Variants in SLC25A53 observed in about 807,000 individuals in gnomAD.
SLC25A53 encodes the protein solute carrier family 25 member 53.
In SLC25A53, 5 loss-of-function variants were observed where a neutral mutation model predicts 15.0. The ratio of observed to expected loss-of-function variants is 0.33; its 90% confidence interval spans 0.17 to 0.70. SLC25A53 has a LOEUF of 0.70. SLC25A53 is among the 30% of genes least tolerant of loss of function. The pLI, the probability that SLC25A53 is intolerant of heterozygous loss-of-function variation, is 0.67. For synonymous variants in SLC25A53, 95 were observed against 100.0 expected (o/e 0.95, Z 0.30); for missense variants, 216 against 241.6 (o/e 0.89, Z 0.70).
At chrX:104,151,938 T>C (rs2075485807) in intron 1 of SLC25A53, among the ~76,000 whole-genome samples, 1 of 112,095 alleles carries the variant, frequency 8.9e-6, no homozygotes, top group Admixed American at 9.4e-5. Flanking sequence ...GCAGGGTAAG[T>C]GCACAAGCAT....
intron 1 of SLC25A53, among the ~76,000 whole-genome samples, chrX:104,150,832 A>G (rs782378697): frequency 2.0e-4 from 22 of 111,385 alleles, no homozygotes; most frequent in Non-Finnish European, 3.0e-4. Context: ...CACAGCGCCC[A>G]TGGTGTGCGC....
chrX:104,148,149 T>C (rs2075474080), intron 1 of SLC25A53, among the ~76,000 whole-genome samples: 2 of 108,649 alleles, frequency 1.8e-5, no homozygotes, highest in African/African-American at 6.7e-5. Context: ...ATGTCCTTTG[T>C]AGGGACATGG....
chrX:104,115,278 A>G, intron 1 of SLC25A53: 1 of 1,186,661 alleles, frequency 8.4e-7, no homozygotes. Flanking sequence ...AGGAGAGGTC[A>G]AAAGAGGTCC....
At chrX:104,151,168 C>T (rs2075483748) in intron 1 of SLC25A53, among the ~76,000 whole-genome samples, 1 of 111,309 alleles carries the variant, frequency 9.0e-6, no homozygotes, top group Non-Finnish European at 1.9e-5. Context: ...TCCTTATCAC[C>T]TTATCAAGTG....
intron 1 of SLC25A53, among the ~76,000 whole-genome samples, chrX:104,132,456 G>T (rs1556365679): frequency 8.9e-6 from 1 of 111,939 alleles, no homozygotes; most frequent in Admixed American, 9.5e-5. Flanking sequence ...TCATCATCTG[G>T]ATCTCACATC....
At chrX:104,147,172 T>C (rs1408669872) in intron 1 of SLC25A53, among the ~76,000 whole-genome samples, 1 of 111,620 alleles carries the variant, frequency 9.0e-6, no homozygotes, top group Non-Finnish European at 1.9e-5. Flanking sequence ...ATCTGATCTC[T>C]GGCAAACCTG....
intron 1 of SLC25A53, among the ~76,000 whole-genome samples, chrX:104,156,496 C>G (rs782502700): frequency 1.2e-3 from 134 of 111,152 alleles, no homozygotes; most frequent in South Asian, 4.2e-3. Flanking sequence ...AATCTGAAAC[C>G]AGGGACCTAG....
chrX:104,109,935 G>T (rs1375738860), intron 1 of SLC25A53, among the ~76,000 whole-genome samples: 1 of 106,330 alleles, frequency 9.4e-6, no homozygotes, highest in Non-Finnish European at 1.9e-5. Context: ...AGAAAATGTG[G>T]TCTCATTAGA....
At chrX:104,107,049 C>T (rs1292125509) in intron 1 of SLC25A53, among the ~76,000 whole-genome samples, 2 of 107,321 alleles carry the variant, frequency 1.9e-5, no homozygotes, top group Non-Finnish European at 3.9e-5. Flanking sequence ...TCTATCCCCC[C>T]TGCTCCATCC....
chrX:104,117,466 C>T (rs906799599), intron 1 of SLC25A53, among the ~76,000 whole-genome samples: 2 of 110,965 alleles, frequency 1.8e-5, no homozygotes, highest in Admixed American at 1.9e-4. Flanking sequence ...ACTGGGAGGG[C>T]CCCTCTGCCT....
At chrX:104,156,849 G>A (rs1259088675) in intron 1 of SLC25A53, 29 bp downstream of exon 1, 1 of 111,574 alleles carries the variant, frequency 9.0e-6, no homozygotes, top group Non-Finnish European at 1.9e-5. Flanking sequence ...ATGTGTCTAC[G>A]CCCTCAGCCC....
intron 1 of SLC25A53, among the ~76,000 whole-genome samples, chrX:104,133,330 T>G (rs958608187): frequency 9.0e-6 from 1 of 111,679 alleles, no homozygotes; most frequent in African/African-American, 3.3e-5. Flanking sequence ...ATTATAATGA[T>G]TCCCAAGGAC....
intron 1 of SLC25A53, among the ~76,000 whole-genome samples, chrX:104,149,841 T>C: frequency 9.0e-6 from 1 of 111,479 alleles, no homozygotes; most frequent in South Asian, 3.7e-4. Flanking sequence ...CTTTCTCCCA[T>C]GTACTTCTCC....
chrX:104,141,319 G>A (rs781939084), intron 1 of SLC25A53, among the ~76,000 whole-genome samples: 7 of 111,148 alleles, frequency 6.3e-5, no homozygotes, highest in South Asian at 7.6e-4. Context: ...CTGGATATGC[G>A]CCTGGAAAAC....
chrX:104,109,509 A>T (rs781957796), intron 1 of SLC25A53, among the ~76,000 whole-genome samples: 4 of 112,746 alleles, frequency 3.5e-5, no homozygotes, highest in Admixed American at 9.4e-5. Flanking sequence ...TTCATTTTTT[A>T]AAAATGAGAT....
In SLC25A53 at chrX:104,119,657, A is replaced by C. The variant is rs782779540; in HGVS notation, c.-31-14369T>G. ...AAGCCCTGAGATAGATCTTATCTTA[A>C]AATTTCCACATTCTAAAACACTCTT... On this transcript the variant is annotated intron_variant, in intron 1 of 1. Coordinates refer to ENST00000594199, the MANE Select transcript of SLC25A53 (RefSeq NM_001012755.5). 2.4e-4 allele frequency among the ~76,000 whole-genome samples: 26 copies of C among 110,377 alleles called. No homozygotes were observed. The Middle Eastern group carries it at 0.014, about 59-fold the overall frequency.
At chrX:104,152,912 G>A (rs1272927702) in intron 1 of SLC25A53, among the ~76,000 whole-genome samples, 2 of 111,514 alleles carry the variant, frequency 1.8e-5, no homozygotes, top group African/African-American at 6.5e-5. Context: ...CTGGCCTAGC[G>A]AGATTTGGGA....
chrX:104,120,202 C>T (rs1377599390), intron 1 of SLC25A53, among the ~76,000 whole-genome samples: 1 of 111,787 alleles, frequency 8.9e-6, no homozygotes, highest in African/African-American at 3.3e-5. Flanking sequence ...TCTCCTGGTA[C>T]ATATGTGCAC....
chrX:104,136,564 C>T (rs1471161703), intron 1 of SLC25A53, among the ~76,000 whole-genome samples: 3 of 112,086 alleles, frequency 2.7e-5, no homozygotes, highest in African/African-American at 9.7e-5. Flanking sequence ...AAGAGGGCTG[C>T]TCCTTTCCTC....
Sources: allele counts gnomAD v4.1 joint callset (sites outside exome capture counted in the v4.1 genomes callset), GRCh38; gene constraint gnomAD v4.1.1; transcripts MANE v1.5; gene names NCBI Gene and HGNC (gene_info 2026-07-23, HGNC 2026-07-21).